The following ANTXR1 variants were observed in gnomAD, a reference collection of about 807,000 sequenced individuals.
ANTXR1 encodes the protein ANTXR cell adhesion molecule 1.
ANTXR1 carries 19 observed loss-of-function variants against 78.1 expected under a neutral mutation model. The observed-to-expected ratio is 0.24, with a 90% confidence interval of 0.17 to 0.36. The LOEUF is 0.36. ANTXR1 is among the 10% of genes least tolerant of loss of function. The probability of loss-of-function intolerance (pLI) is 1.00; values close to 1 mark genes in which losing one functional copy is unlikely to be tolerated. For synonymous variants in ANTXR1, 273 were observed against 260.5 expected, an observed-to-expected ratio of 1.05 and a Z score of -0.46; for missense variants, 518 against 718.6, an observed-to-expected ratio of 0.72 and a Z score of 3.19.
chr2:69,016,423 A>G (rs1170614254), intron 1 of ANTXR1, among the ~76,000 whole-genome samples: 2 of 152,146 alleles, frequency 1.3e-5, no homozygotes, highest in Non-Finnish European at 2.9e-5. Context: ...ACAAAGAAGT[A>G]CCTACATGTA....
rs1229082341 is a variant in ANTXR1 at position 69,100,376 on chromosome 2, A to T, written c.704-2466A>T. Among the ~76,000 whole-genome samples the T allele has an allele frequency of 3.3e-5, 5 of 152,098 alleles. No homozygotes were observed. The East Asian group carries it at 9.7e-4, about 29-fold the overall frequency. ...TGGGAGCTCGCCTCTGCCCTGGTGC[A>T]CTCCCCAGAGCATCATTTCCTCCAC... On this transcript the variant is annotated intron_variant, in intron 9 of 17. Transcript: ENST00000303714.
chr2:69,141,656 A>C (rs1455629766), intron 12 of ANTXR1, among the ~76,000 whole-genome samples: 1 of 152,234 alleles, frequency 6.6e-6, no homozygotes, highest in Non-Finnish European at 1.5e-5. Context: ...TTTATGTCTT[A>C]ATATAATTTA....
chr2:69,085,071 T>G (rs548715658), intron 8 of ANTXR1, among the ~76,000 whole-genome samples: 1 of 152,166 alleles, frequency 6.6e-6, no homozygotes, highest in Admixed American at 6.5e-5. Flanking sequence ...TTTTATTAAT[T>G]AGAGATTAAA....
chr2:69,193,624 G>T (rs2104476401), intron 17 of ANTXR1, among the ~76,000 whole-genome samples: 1 of 152,302 alleles, frequency 6.6e-6, no homozygotes, highest in East Asian at 1.9e-4. Flanking sequence ...TTTTCAAAAT[G>T]TTGGTTATTA....
chr2:69,162,019 G>GC (rs1214753560), intron 13 of ANTXR1, among the ~76,000 whole-genome samples: 15 of 133,900 alleles, frequency 1.1e-4, no homozygotes, highest in Middle Eastern at 4.2e-3. Context: ...GTCATCATTT[G>GC]TGGAAAAAAA....
chr2:69,242,794 A>C (rs1196103093), intron 17 of ANTXR1, among the ~76,000 whole-genome samples: 1 of 152,200 alleles, frequency 6.6e-6, no homozygotes, highest in East Asian at 1.9e-4. Context: ...GGGCCCTCAC[A>C]TCTTAAAGGA....
At chr2:69,091,943 C>A (rs1381480458) in intron 9 of ANTXR1, among the ~76,000 whole-genome samples, 2 of 152,164 alleles carry the variant, frequency 1.3e-5, no homozygotes, top group African/African-American at 2.4e-5. Context: ...TGACAGGTTC[C>A]CCATCACTCT....
chr2:69,215,943 C>T (rs577157129), intron 17 of ANTXR1, among the ~76,000 whole-genome samples: 1 of 152,154 alleles, frequency 6.6e-6, no homozygotes, highest in East Asian at 1.9e-4. Flanking sequence ...CAGTCATTTA[C>T]ACTTAAGAAG....
At chr2:69,242,695 T>C (rs866978989) in intron 17 of ANTXR1, among the ~76,000 whole-genome samples, 25 of 152,316 alleles carry the variant, frequency 1.6e-4, no homozygotes, top group African/African-American at 5.1e-4. Context: ...TGACTTTGCA[T>C]GTCTAGGAAC....
chr2:69,157,487 T>G (rs750621017), intron 13 of ANTXR1, among the ~76,000 whole-genome samples: 10 of 151,564 alleles, frequency 6.6e-5, no homozygotes, highest in Non-Finnish European at 1.0e-4. Flanking sequence ...ACTCTTCACG[T>G]TACCCCCTAA....
chr2:69,241,929 CA>C (rs965361087), intron 17 of ANTXR1, among the ~76,000 whole-genome samples: 3 of 152,174 alleles, frequency 2.0e-5, no homozygotes, highest in Admixed American at 6.5e-5. Context: ...TGATTACCCC[CA>C]CTTCACATCA....
intron 10 of ANTXR1, among the ~76,000 whole-genome samples, chr2:69,118,182 A>G (rs1270193886): frequency 6.6e-6 from 1 of 150,996 alleles, no homozygotes; most frequent in East Asian, 2.0e-4. Context: ...AGGCTGAAGC[A>G]GGCAGATAGT....
At chr2:69,039,119 G>C (rs1669538024) in intron 1 of ANTXR1, among the ~76,000 whole-genome samples, 1 of 152,146 alleles carries the variant, frequency 6.6e-6, no homozygotes, top group African/African-American at 2.4e-5. Flanking sequence ...TTATTAGAAT[G>C]GCAAGCAGAA....
At chr2:69,141,812 A>C (rs912678419) in intron 12 of ANTXR1, among the ~76,000 whole-genome samples, 4 of 152,186 alleles carry the variant, frequency 2.6e-5, no homozygotes, top group African/African-American at 9.7e-5. Flanking sequence ...ACCTTAGGGC[A>C]TGAAGGCTTT....
chr2:69,095,694 G>A (rs530987799), intron 9 of ANTXR1, among the ~76,000 whole-genome samples: 1 of 152,326 alleles, frequency 6.6e-6, no homozygotes, highest in African/African-American at 2.4e-5. Context: ...TTCCAACAAT[G>A]GAGTGGATGG....
At position 69,073,055 on chromosome 2, in the gene ANTXR1, C is replaced by G. The variant is rs1333593580; in HGVS notation, c.446C>G (p.Thr149Ser). 6.2e-7 allele frequency: 1 copy of G among 1,613,960 alleles called. No homozygotes were observed. Among genetic ancestry groups the G allele is most frequent in the African/African-American group, 1.3e-5 (1 of 74,932 alleles). ...ACAGCCAGCGTCATCATTGCTTTGA[C>G]TGATGGAGAACTCCATGAAGATCTC... ...YRTASVIIAL[T>S]DGELHEDLFF... Residue 149 changes from threonine to serine, a missense_variant, in exon 6 of 18, where the codon ACT becomes AGT. By Grantham distance (58) the Thr-to-Ser change is moderately conservative (BLOSUM62 1). Around this residue, in one of 5 missense-constraint regions of ANTXR1, gnomAD observed 264 missense variants for 391.8 expected, o/e 0.67. Coordinates refer to ENST00000303714, the MANE Select transcript of ANTXR1 (RefSeq NM_032208.3).
chr2:69,165,117 C>T (rs1033719716), intron 13 of ANTXR1, among the ~76,000 whole-genome samples: 5 of 152,248 alleles, frequency 3.3e-5, no homozygotes, highest in African/African-American at 1.2e-4. Flanking sequence ...CCCCAGAAAG[C>T]TGTGTTTTAA....
intron 12 of ANTXR1, among the ~76,000 whole-genome samples, chr2:69,147,703 T>G (rs1673267185): frequency 6.6e-6 from 1 of 152,232 alleles, no homozygotes; most frequent in Non-Finnish European, 1.5e-5. Context: ...TTAGACCACA[T>G]GGATTCAAAT....
chr2:69,226,748 C>T (rs1024128953), intron 17 of ANTXR1, among the ~76,000 whole-genome samples: 5 of 152,142 alleles, frequency 3.3e-5, no homozygotes, highest in Admixed American at 6.5e-5. Context: ...AAATAAAATT[C>T]GTTGGTAATT....
Sources: allele counts gnomAD v4.1 joint callset (sites outside exome capture counted in the v4.1 genomes callset), GRCh38; gene constraint gnomAD v4.1.1; regional missense constraint gnomAD v4.1.1; transcripts MANE v1.5; gene names NCBI Gene and HGNC (gene_info 2026-07-23, HGNC 2026-07-21).